IL1RAPL1: variants seen among roughly 807,000 people sequenced by gnomAD.
IL1RAPL1 encodes the protein interleukin 1 receptor accessory protein like 1.
IL1RAPL1 carries 3 observed loss-of-function variants against 48.4 expected under a neutral mutation model. The observed-to-expected ratio is 0.06, with a 90% CI of 0.03 to 0.16. IL1RAPL1 has a LOEUF of 0.16. Ranked by LOEUF, IL1RAPL1 falls within the 10% of genes least tolerant of loss-of-function variation. The pLI is 1.00. For missense variants in IL1RAPL1, 349 were observed against 530.6 expected (o/e 0.66, Z 3.36); for synonymous variants, 185 against 187.7 (o/e 0.99, Z 0.12).
chrX:28,984,321 C>T (rs968360400), intron 2 of IL1RAPL1, among the ~76,000 whole-genome samples: 6 of 111,403 alleles, frequency 5.4e-5, no homozygotes, highest in African/African-American at 2.0e-4. Context: ...TAGAGACTTC[C>T]AGGCTTCTGT....
At chrX:29,891,172 C>T (rs987299189) in intron 6 of IL1RAPL1, among the ~76,000 whole-genome samples, 1 of 111,935 alleles carries the variant, frequency 8.9e-6, no homozygotes, top group African/African-American at 3.3e-5. Flanking sequence ...TTCTTAGGCA[C>T]AAGCTGCCTT....
Position 29,846,760 on chromosome X carries a change from A to ATG in IL1RAPL1, c.779-70703_779-70702insGT, listed in dbSNP as rs200870868. On this transcript the variant is annotated intron_variant, in intron 6 of 10. Transcript: ENST00000378993. ...GTAAAACTAACCACAGTCTATATAT[A>ATG]TATATATACATATATATGTATATAT... Among the ~76,000 whole-genome samples the ATG allele has an allele frequency of 2.8e-3, 251 of 89,168 alleles. 1 individual carries two copies. Among genetic ancestry groups the ATG allele is most frequent in the African/African-American group, 0.01 (226 of 22,369 alleles). 77.4% of individuals were successfully genotyped at this position (89,168 alleles called of 115,157 possible). A position where few individuals can be genotyped will look rare whatever the true frequency, so the allele number is the denominator to read the frequency against.
chrX:28,906,083 C>T lies in IL1RAPL1; in HGVS notation c.82+116658C>T, dbSNP rs772605243. On this transcript the variant is annotated intron_variant, in intron 2 of 10. Coordinates refer to ENST00000378993, the MANE Select transcript of IL1RAPL1 (RefSeq NM_014271.4). ...AAGAGGGAATCCATGACCTTCTTCA[C>T]GTGGCGGCAGGAGAGAGAAGAGTGA... Among the ~76,000 whole-genome samples the T allele has an allele frequency of 6.3e-5, 7 of 111,845 alleles. No individual in the cohort carries two copies. The East Asian group carries it at 8.5e-4, about 14-fold the overall frequency.
chrX:29,501,480 G>A (rs1185179862), intron 5 of IL1RAPL1, among the ~76,000 whole-genome samples: 2 of 111,234 alleles, frequency 1.8e-5, no homozygotes, highest in Non-Finnish European at 3.8e-5. Context: ...TTGATTTGAT[G>A]TTTGTGTATG....
rs758377566 is a variant in IL1RAPL1, at chrX:29,252,063, A to G, written c.83-30875A>G. Among the ~76,000 whole-genome samples the G allele has an allele frequency of 2.8e-5, 3 of 107,250 alleles. No individual in the cohort carries two copies. The South Asian group carries it at 1.2e-3, about 41-fold the overall frequency. 93.1% of individuals were successfully genotyped at this position (107,250 alleles called of 115,157 possible). ...TCTCACTCATAAGTGGGAATTGAAC[A>G]ATGAGAACACGTGGACACAGGAAGG... On this transcript the variant is annotated intron_variant, in intron 2 of 10. Transcript: ENST00000378993.
intron 6 of IL1RAPL1, among the ~76,000 whole-genome samples, chrX:29,854,005 CA>C (rs1931429398): frequency 8.9e-6 from 1 of 112,103 alleles, no homozygotes; most frequent in African/African-American, 3.2e-5. Flanking sequence ...GACATGTAAA[CA>C]ATAGAAGGGA....
chrX:29,444,549 A>G (rs1934589331), intron 5 of IL1RAPL1, among the ~76,000 whole-genome samples: 1 of 109,769 alleles, frequency 9.1e-6, no homozygotes, highest in Admixed American at 9.8e-5. Context: ...CTATCACACT[A>G]ATATAGGGAA....
At chrX:29,573,108 T>C in intron 5 of IL1RAPL1, among the ~76,000 whole-genome samples, 1 of 112,228 alleles carries the variant, frequency 8.9e-6, no homozygotes, top group Non-Finnish European at 1.9e-5. Context: ...TGTTGCTGTG[T>C]CCTCACATCA....
At chrX:28,623,013 C>T (rs1934300741) in intron 1 of IL1RAPL1, among the ~76,000 whole-genome samples, 1 of 111,484 alleles carries the variant, frequency 9.0e-6, no homozygotes, top group African/African-American at 3.3e-5. Flanking sequence ...GGCAGAAAAG[C>T]TAGCTATTTG....
At chrX:29,057,648 C>T (rs1279155902) in intron 2 of IL1RAPL1, among the ~76,000 whole-genome samples, 11 of 110,740 alleles carry the variant, frequency 9.9e-5, no homozygotes, top group African/African-American at 3.3e-4. Flanking sequence ...AGGCTGGTCT[C>T]GAACTCTTGA....
At chrX:29,697,190 C>T (rs913898458) in intron 6 of IL1RAPL1, among the ~76,000 whole-genome samples, 1 of 111,955 alleles carries the variant, frequency 8.9e-6, no homozygotes, top group African/African-American at 3.3e-5. Context: ...TGGCAAGTCA[C>T]AATGGTAAAA....
chrX:29,666,226 G>A (rs1925994749), intron 5 of IL1RAPL1, among the ~76,000 whole-genome samples: 1 of 111,100 alleles, frequency 9.0e-6, no homozygotes, highest in Non-Finnish European at 1.9e-5. Flanking sequence ...ATAATATCTG[G>A]CACATTATTC....
chrX:29,333,415 C>CCCCG, intron 3 of IL1RAPL1, among the ~76,000 whole-genome samples: 1 of 99,061 alleles, frequency 1.0e-5, no homozygotes, highest in Middle Eastern at 6.1e-3. Flanking sequence ...GCTGACCCCC[C>CCCCG]CACCTCCCTC....
intron 3 of IL1RAPL1, among the ~76,000 whole-genome samples, chrX:29,292,262 T>C (rs773628352): frequency 6.4e-4 from 72 of 112,018 alleles, no homozygotes; most frequent in Non-Finnish European, 1.2e-3. Context: ...CTTTTTCTTA[T>C]GACATCTCTT....
chrX:28,742,333 A>T (rs963393433), intron 1 of IL1RAPL1, among the ~76,000 whole-genome samples: 1 of 111,783 alleles, frequency 8.9e-6, no homozygotes, highest in African/African-American at 3.2e-5. Flanking sequence ...CTCTTGGCAA[A>T]TAAGGAGACA....
At chrX:28,706,344 C>G (rs1483653928) in intron 1 of IL1RAPL1, among the ~76,000 whole-genome samples, 1 of 111,753 alleles carries the variant, frequency 8.9e-6, no homozygotes, top group Non-Finnish European at 1.9e-5. Context: ...TAAGTACATT[C>G]AATACTGTTC....
intron 2 of IL1RAPL1, among the ~76,000 whole-genome samples, chrX:28,806,697 G>A (rs921441502): frequency 1.8e-5 from 2 of 111,411 alleles, no homozygotes; most frequent in African/African-American, 6.5e-5. Context: ...ATGCTGCTCC[G>A]TGATGAACAG....
At chrX:29,269,120 A>G (rs1417872722) in intron 2 of IL1RAPL1, among the ~76,000 whole-genome samples, 2 of 112,181 alleles carry the variant, frequency 1.8e-5, no homozygotes, top group African/African-American at 6.5e-5. Flanking sequence ...ACTTTCACTC[A>G]CTGAGAATTT....
intron 5 of IL1RAPL1, among the ~76,000 whole-genome samples, chrX:29,428,591 T>C (rs765706436): frequency 1.2e-3 from 137 of 111,245 alleles, no homozygotes; most frequent in Non-Finnish European, 2.3e-3. Context: ...GTAAAAACTT[T>C]CTAAGACTAT....
Sources: allele counts gnomAD v4.1 joint callset (sites outside exome capture counted in the v4.1 genomes callset), GRCh38; gene constraint gnomAD v4.1.1; transcripts MANE v1.5; gene names NCBI Gene and HGNC (gene_info 2026-07-23, HGNC 2026-07-21).